SYNE2: variants seen among roughly 807,000 people sequenced by gnomAD.
The protein encoded by SYNE2 is spectrin repeat containing nuclear envelope protein 2.
SYNE2 carries 431 observed loss-of-function variants against 856.3 expected under a neutral mutation model. The observed-to-expected ratio is 0.50, with a 90% CI of 0.47 to 0.55. The LOEUF (loss-of-function observed/expected upper bound fraction) is 0.55. Among genes scored for constraint, SYNE2 ranks in the 20% least tolerant of loss-of-function variants. The probability of loss-of-function intolerance (pLI) is 0.00; values close to 1 mark genes in which losing one functional copy is unlikely to be tolerated. For missense variants in SYNE2, 8,129 were observed against 8,023.2 expected (o/e 1.01, Z -0.50); for synonymous variants, 2,923 against 2,872.3 (o/e 1.02, Z -0.56).
intron 96 of SYNE2, among the ~76,000 whole-genome samples, chr14:64,184,542 C>G (rs567963459): frequency 6.6e-6 from 1 of 152,322 alleles, no homozygotes; most frequent in East Asian, 1.9e-4. Flanking sequence ...CACCTCTGAG[C>G]AGGGCACTGG....
intron 45 of SYNE2, among the ~76,000 whole-genome samples, chr14:64,046,883 G>T (rs1482900346): frequency 6.6e-6 from 1 of 152,226 alleles, no homozygotes; most frequent in East Asian, 1.9e-4. Flanking sequence ...AGTGGCACCT[G>T]GGTGAGGGTG....
At chr14:64,192,625 G>A (rs1358716170) in intron 99 of SYNE2, among the ~76,000 whole-genome samples, 2 of 152,104 alleles carry the variant, frequency 1.3e-5, no homozygotes, top group Non-Finnish European at 2.9e-5. Flanking sequence ...TGCCTTTTAT[G>A]TGTGATTTCA....
intron 90 of SYNE2, among the ~76,000 whole-genome samples, chr14:64,166,402 A>T (rs983547437): frequency 6.6e-6 from 1 of 152,218 alleles, no homozygotes; most frequent in African/African-American, 2.4e-5. Context: ...TGGTAACTTC[A>T]ATATTGTTAA....
intron 33 of SYNE2, among the ~76,000 whole-genome samples, chr14:64,017,324 A>G (rs1365931420): frequency 1.2e-5 from 1 of 81,762 alleles, no homozygotes; most frequent in South Asian, 4.9e-4. Context: ...GCAAGACTCC[A>G]TCTCAAAAAA....
chr14:63,951,772 G>T (rs1295642299), intron 7 of SYNE2, among the ~76,000 whole-genome samples: 4 of 152,186 alleles, frequency 2.6e-5, no homozygotes, highest in Non-Finnish European at 5.9e-5. Context: ...AACAGTATTT[G>T]TGAAAAGCAT....
At chr14:64,151,075 G>A (rs1438040936) in intron 84 of SYNE2, among the ~76,000 whole-genome samples, 19 of 152,156 alleles carry the variant, frequency 1.2e-4, no homozygotes, top group Non-Finnish European at 1.5e-5. Flanking sequence ...TACAGTGGAA[G>A]ATTCCTCCAG....
intron 45 of SYNE2, among the ~76,000 whole-genome samples, chr14:64,032,093 G>C (rs1157904033): frequency 2.6e-5 from 4 of 152,192 alleles, no homozygotes; most frequent in African/African-American, 9.6e-5. Context: ...GGTTTTTAGG[G>C]AGTAAGTAAT....
chr14:64,094,000 G>A (rs2097653793), intron 61 of SYNE2, among the ~76,000 whole-genome samples: 1 of 152,186 alleles, frequency 6.6e-6, no homozygotes, highest in Admixed American at 6.5e-5. Flanking sequence ...ATTCTAAGCA[G>A]TATTGCCATA....
chr14:63,793,926 G>A (rs1415706875), intron 1 of SYNE2, among the ~76,000 whole-genome samples: 1 of 140,902 alleles, frequency 7.1e-6, no homozygotes, highest in Non-Finnish European at 1.5e-5. Context: ...GCAACAGAAT[G>A]AGACCCTGTC....
intron 17 of SYNE2, among the ~76,000 whole-genome samples, chr14:63,983,259 G>A (rs1268298578): frequency 3.3e-5 from 5 of 152,108 alleles, no homozygotes; most frequent in Non-Finnish European, 4.4e-5. Context: ...AACTTTTTGG[G>A]TTTTTATGAA....
intron 78 of SYNE2, 32 bp downstream of exon 78, chr14:64,134,232 G>A (rs575756976): frequency 1.2e-5 from 19 of 1,610,896 alleles, no homozygotes; most frequent in East Asian, 8.9e-5. Flanking sequence ...TATCAAAGGC[G>A]TGTCCATAGC....
At chr14:64,018,162 G>T (rs1194515487) in intron 34 of SYNE2, among the ~76,000 whole-genome samples, 2 of 152,172 alleles carry the variant, frequency 1.3e-5, no homozygotes, top group East Asian at 3.9e-4. Flanking sequence ...AAAAGATGAA[G>T]AATTCCTAGC....
chr14:63,783,388 T>C (rs1196694049), intron 1 of SYNE2, among the ~76,000 whole-genome samples: 1 of 152,086 alleles, frequency 6.6e-6, no homozygotes, highest in African/African-American at 2.4e-5. Flanking sequence ...TCTTCTTCTT[T>C]TTTTTCTGAG....
At chr14:64,160,124 A>T (rs2098316517) in intron 87 of SYNE2, among the ~76,000 whole-genome samples, 1 of 152,194 alleles carries the variant, frequency 6.6e-6, no homozygotes, top group Admixed American at 6.5e-5. Flanking sequence ...ACCCCAAATT[A>T]TATACCCTGC....
At chr14:64,194,554 C>G (rs1194489260) in intron 99 of SYNE2, among the ~76,000 whole-genome samples, 2 of 152,200 alleles carry the variant, frequency 1.3e-5, no homozygotes, top group African/African-American at 4.8e-5. Context: ...ATCCTCCCAC[C>G]TCTGCCTCCC....
chr14:63,969,555 A>G (rs1043073469), intron 11 of SYNE2, among the ~76,000 whole-genome samples: 3 of 151,698 alleles, frequency 2.0e-5, no homozygotes, highest in Non-Finnish European at 4.4e-5. Context: ...TTTAGCCATG[A>G]TGATCTCAAT....
chr14:64,136,791 A>G (rs1224729565), intron 78 of SYNE2, among the ~76,000 whole-genome samples: 1 of 152,212 alleles, frequency 6.6e-6, no homozygotes, highest in African/African-American at 2.4e-5. Context: ...CTCATGGATA[A>G]TAGAGAAATA....
Position 63,765,843 on chromosome 14 carries a change from A to C in SYNE2, c.-305+3857A>C, listed in dbSNP as rs553163751. On this transcript the variant is annotated intron_variant, in intron 1 of 23. Transcript: ENST00000674003. The stretch of plus-strand genomic sequence containing the variant: ...TCAATAAATAATCTATTTTGTAAAA[A>C]AATTATATCTGCCCTGGCCAGGTGT... Among the ~76,000 whole-genome samples the C allele has an allele frequency of 2.6e-5, 4 of 152,200 alleles. No individual in the cohort carries two copies. In the East Asian group the frequency reaches 7.8e-4, roughly 30 times the overall value.
chr14:64,035,086 T>A (rs925271444), intron 45 of SYNE2, among the ~76,000 whole-genome samples: 1 of 151,894 alleles, frequency 6.6e-6, no homozygotes, highest in Non-Finnish European at 1.5e-5. Flanking sequence ...TTTGATTTCC[T>A]TATCATTGAC....
Sources: gnomAD v4.1 joint callset for allele counts (sites outside exome capture counted in the v4.1 genomes callset) on GRCh38, gnomAD v4.1.1 for gene constraint, MANE v1.5 for transcripts, NCBI Gene and HGNC (gene_info 2026-07-23, HGNC 2026-07-21) for gene names.